SHROOM3: variants seen among roughly 807,000 people sequenced by gnomAD.
SHROOM3 encodes shroom family member 3.
A neutral mutation model predicts 138.6 loss-of-function variants in SHROOM3; 47 were observed. That is an observed-to-expected ratio of 0.34 (90% CI 0.27 to 0.43). The LOEUF is 0.43. Among genes scored for constraint, SHROOM3 ranks in the 20% least tolerant of loss-of-function variants. SHROOM3 has a pLI of 1.00. For synonymous variants in SHROOM3, 1,062 were observed against 1,063.3 expected (o/e 1.00, Z 0.02); for missense variants, 2,491 against 2,596.5 (o/e 0.96, Z 0.88).
At chr4:76,620,091 A>AAAAAAAAAAAAG (rs749696462) in intron 2 of SHROOM3, among the ~76,000 whole-genome samples, 11 of 135,344 alleles carry the variant, frequency 8.1e-5, no homozygotes, top group South Asian at 2.4e-4. Flanking sequence ...AAAAAAAAAA[A>AAAAAAAAAAAAG]AAGAAGAAAA....
chr4:76,648,972 A>G (rs1735896033), intron 2 of SHROOM3, among the ~76,000 whole-genome samples: 1 of 138,416 alleles, frequency 7.2e-6, no homozygotes, highest in African/African-American at 2.7e-5. Flanking sequence ...TTAAATAAAA[A>G]AAGGAGGACA....
rs548164195 is a variant in SHROOM3, at chr4:76,585,398, T to C, written c.323+29635T>C. ...CACTCTTGGAGTCCCATTTTCTTTC[T>C]GTGTGTGCTGTTCCTTTTCTCTTTC... On this transcript the variant is annotated intron_variant, in intron 2 of 10. Coordinates refer to ENST00000296043, the MANE Select transcript of SHROOM3 (RefSeq NM_020859.4). 1.9e-4 allele frequency among the ~76,000 whole-genome samples: 29 copies of C among 152,374 alleles called. 1 individual carries two copies. The highest frequency in any genetic ancestry group is 1.2e-3 in the South Asian group (6 of 4,832).
intron 9 of SHROOM3, among the ~76,000 whole-genome samples, chr4:76,768,826 T>C (rs1451023000): frequency 6.6e-6 from 1 of 152,194 alleles, no homozygotes; most frequent in Non-Finnish European, 1.5e-5. Context: ...GATGTGAATT[T>C]TTTAGCCACC....
At chr4:76,707,232 G>A (rs1236251372) in intron 2 of SHROOM3, among the ~76,000 whole-genome samples, 1 of 152,154 alleles carries the variant, frequency 6.6e-6, no homozygotes, top group Non-Finnish European at 1.5e-5. Flanking sequence ...AAAATCTGTG[G>A]CATAAATTGA....
chr4:76,550,076 T>C (rs1733316883), intron 1 of SHROOM3, among the ~76,000 whole-genome samples: 1 of 151,670 alleles, frequency 6.6e-6, no homozygotes, highest in South Asian at 2.1e-4. Context: ...AGCCTAATTT[T>C]TTGTGTGTGC....
intron 1 of SHROOM3, among the ~76,000 whole-genome samples, chr4:76,486,826 C>A (rs908551453): frequency 6.6e-6 from 1 of 152,032 alleles, no homozygotes; most frequent in Non-Finnish European, 1.5e-5. Context: ...TACTGTGTAT[C>A]TTGCATATTT....
chr4:76,499,355 A>C (rs1369934191), intron 1 of SHROOM3, among the ~76,000 whole-genome samples: 1 of 152,232 alleles, frequency 6.6e-6, no homozygotes, highest in Non-Finnish European at 1.5e-5. Context: ...GCCCTGGCAC[A>C]AAGTAGATAG....
intron 1 of SHROOM3, among the ~76,000 whole-genome samples, chr4:76,484,852 G>T (rs1352398160): frequency 6.6e-6 from 1 of 151,998 alleles, no homozygotes; most frequent in African/African-American, 2.4e-5. Flanking sequence ...GCCCCCACCC[G>T]CTTCCCTCTC....
chr4:76,505,463 C>G (rs373552921), intron 1 of SHROOM3, among the ~76,000 whole-genome samples: 52 of 152,202 alleles, frequency 3.4e-4, no homozygotes, highest in African/African-American at 1.3e-3. Flanking sequence ...TGGCTGTACC[C>G]TTACTTTATA....
intron 1 of SHROOM3, among the ~76,000 whole-genome samples, chr4:76,523,711 GT>G (rs1250853872): frequency 6.6e-6 from 1 of 152,202 alleles, no homozygotes; most frequent in African/African-American, 2.4e-5. Flanking sequence ...ACAGCAGACA[GT>G]GCCAACTGTG....
At chr4:76,649,573 A>T (rs1379435363) in intron 2 of SHROOM3, among the ~76,000 whole-genome samples, 6 of 152,250 alleles carry the variant, frequency 3.9e-5, no homozygotes, top group Non-Finnish European at 8.8e-5. Flanking sequence ...GTGTTGTAAA[A>T]GGTAAACTAG....
At chr4:76,648,110 T>A (rs1433775240) in intron 2 of SHROOM3, among the ~76,000 whole-genome samples, 4 of 152,064 alleles carry the variant, frequency 2.6e-5, no homozygotes, top group Non-Finnish European at 5.9e-5. Flanking sequence ...GGAGGCTCAC[T>A]TGAGACCAGG....
Position 76,643,907 on chromosome 4 carries a change from C to T in SHROOM3, c.324-66249C>T, listed in dbSNP as rs189109320. ...TTGCCCAGGCTGGAGCGTAATGGCA[C>T]GTTCTCAGCTCACTGCAACCTCGAT... On this transcript the variant is annotated intron_variant, in intron 2 of 10. Transcript: ENST00000296043. Among the ~76,000 whole-genome samples the T allele has an allele frequency of 2.8e-3, 422 of 148,340 alleles. 2 individuals carry two copies. The highest frequency in any genetic ancestry group is 9.8e-3 in the African/African-American group (396 of 40,398).
rs1560608569 is a variant in SHROOM3 at position 76,740,482 on chromosome 4, AG to A, written c.2312del (p.Gly771AlafsTer71). On this transcript the variant is annotated frameshift_variant, in exon 5 of 11. Coordinates refer to ENST00000296043, the MANE Select transcript of SHROOM3 (RefSeq NM_020859.4). LOFTEE classifies it high-confidence loss of function. The surrounding 1 kb of genome is among the most constrained non-coding windows in gnomAD (Gnocchi z 4.0). Reference sequence around the variant, plus strand: ...GGCCCAGGCAGCGCCTCGGCTCTTCAGGGCTTTCAGTACGGGAAGCCCCACT... The same window carrying A: ...GGCCCAGGCAGCGCCTCGGCTCTTCAGGCTTTCAGTACGGGAAGCCCCACT... ...GPGPGSASALQGFQYGKPHCS... is the reference protein window; with the variant it reads ...GPGPGSASALXGFQYGKPHCS... 6.2e-7 allele frequency: 1 copy of A among 1,612,696 alleles called. No homozygotes were observed. Among genetic ancestry groups the A allele is most frequent in the African/African-American group, 1.3e-5 (1 of 74,956 alleles).
intron 1 of SHROOM3, among the ~76,000 whole-genome samples, chr4:76,509,132 T>C (rs1732277909): frequency 6.6e-6 from 1 of 152,232 alleles, no homozygotes; most frequent in Admixed American, 6.5e-5. Flanking sequence ...ACCATAGCAA[T>C]ATGTTTTGCA....
At chr4:76,657,789 C>T (rs973888368) in intron 2 of SHROOM3, among the ~76,000 whole-genome samples, 2 of 152,182 alleles carry the variant, frequency 1.3e-5, no homozygotes, top group Admixed American at 1.3e-4. Context: ...TGTCTCCGGG[C>T]CCAAGTAAGA....
chr4:76,593,283 A>C (rs184340436), intron 2 of SHROOM3, among the ~76,000 whole-genome samples: 9 of 152,322 alleles, frequency 5.9e-5, no homozygotes, highest in African/African-American at 1.9e-4. Flanking sequence ...GAGGGGTTTG[A>C]GTTTATCCAC....
chr4:76,471,859 G>A (rs1208740850), intron 1 of SHROOM3, among the ~76,000 whole-genome samples: 4 of 151,840 alleles, frequency 2.6e-5, no homozygotes, highest in Non-Finnish European at 5.9e-5. Context: ...AGTTCTTTTG[G>A]GCATCAGAGT....
chr4:76,509,229 G>T (rs1331261099), intron 1 of SHROOM3: 1 of 150,352 alleles, frequency 6.7e-6, no homozygotes, highest in African/African-American at 2.5e-5. Flanking sequence ...TTTTCAGATT[G>T]TTCATTGCCA....
Sources: gnomAD v4.1 joint callset for allele counts (sites outside exome capture counted in the v4.1 genomes callset) on GRCh38, gnomAD v4.1.1 for gene constraint, Gnocchi (gnomAD v3.1) non-coding constraint, MANE v1.5 for transcripts, NCBI Gene and HGNC (gene_info 2026-07-23, HGNC 2026-07-21) for gene names.